PIEZO2: variants seen among roughly 807,000 people sequenced by gnomAD.
PIEZO2 encodes the protein piezo-type mechanosensitive ion channel component 2.
PIEZO2 carries 172 observed loss-of-function variants against 337.3 expected under a neutral mutation model. That is an observed-to-expected ratio of 0.51 (90% CI 0.45 to 0.58). The LOEUF is 0.58. Among genes scored for constraint, PIEZO2 ranks in the 20% least tolerant of loss-of-function variants. The pLI, the probability that PIEZO2 is intolerant of heterozygous loss-of-function variation, is 0.00. For missense variants in PIEZO2, 3,028 were observed against 3,391.3 expected (o/e 0.89, Z 2.66); for synonymous variants, 1,251 against 1,228.5 (o/e 1.02, Z -0.38).
chr18:10,773,822 G>A lies in PIEZO2; in HGVS notation c.2567+184C>T, dbSNP rs1238841540. Among the ~76,000 whole-genome samples, 1 of 152,224 alleles carries A rather than the reference G, an allele frequency of 6.6e-6. No homozygotes were observed. Among genetic ancestry groups the A allele is most frequent in the East Asian group, 1.9e-4 (1 of 5,202 alleles). On this transcript the variant is annotated intron_variant, in intron 19 of 55. Transcript: ENST00000674853. This position sits in a 1 kb window ranked among gnomAD's most constrained non-coding sequence, Gnocchi z 5.3. ...TTTAAGTTCTTTCTAAAAACAAACT[G>A]TAAACTTGGTTAGGTTTTGTTAGCT...
intron 3 of PIEZO2, among the ~76,000 whole-genome samples, chr18:10,931,633 T>A (rs1284131077): frequency 6.6e-6 from 1 of 152,168 alleles, no homozygotes; most frequent in African/African-American, 2.4e-5. Flanking sequence ...AACAAGTTGT[T>A]ACATATCCTT....
Position 10,784,936 on chromosome 18 carries a change from C to T in PIEZO2, c.2340G>A (p.Lys780=), listed in dbSNP as rs2039166198. ...TGAATAGTTCAGCCACAGTAAACTGCTTTAAGCCAAGATCCTCAAGCCTGC... is the reference window on the plus strand; with the variant it reads ...TGAATAGTTCAGCCACAGTAAACTGTTTTAAGCCAAGATCCTCAAGCCTGC... The part of the protein sequence containing the change: ...KKEKLEDLGL[K]QFTVAELFTR... Residue 780 remains lysine, a synonymous_variant, in exon 17 of 56, where the codon AAG becomes AAA. Coordinates refer to ENST00000674853, the MANE Select transcript of PIEZO2 (RefSeq NM_001378183.1). This position sits in a 1 kb window ranked among gnomAD's most constrained non-coding sequence, Gnocchi z 4.5. 6.5e-7 allele frequency: 1 copy of T among 1,536,186 alleles called. No homozygotes were observed. Among genetic ancestry groups the T allele is most frequent in the Non-Finnish European group, 8.7e-7 (1 of 1,146,458 alleles).
chr18:10,690,205 A>G (rs2034747932), intron 48 of PIEZO2, among the ~76,000 whole-genome samples: 2 of 152,114 alleles, frequency 1.3e-5, no homozygotes, highest in South Asian at 2.1e-4. Flanking sequence ...ATGAGGGCAA[A>G]TGGATAAAGG....
At chr18:10,709,055 G>A (rs1028409035) in intron 39 of PIEZO2, 5 of 152,148 alleles carry the variant, frequency 3.3e-5, no homozygotes, top group African/African-American at 1.2e-4. Flanking sequence ...ATATGCAGTG[G>A]ATATAAACCA....
At chr18:11,091,538 G>C (rs12970481) in intron 1 of PIEZO2, among the ~76,000 whole-genome samples, 68,436 of 152,084 alleles carry the variant, frequency 0.45, 16,517 homozygotes, top group Non-Finnish European at 0.55. Context: ...ATTATTTTTA[G>C]ACAAATTACT....
At chr18:11,142,468 T>C (rs1599024357) in intron 1 of PIEZO2, among the ~76,000 whole-genome samples, 4 of 152,310 alleles carry the variant, frequency 2.6e-5, no homozygotes, top group Non-Finnish European at 4.4e-5. Context: ...AAACCTCGAC[T>C]GACAGCCAAA....
chr18:10,770,765 CAG>C (rs2038571145), intron 20 of PIEZO2, among the ~76,000 whole-genome samples: 1 of 121,610 alleles, frequency 8.2e-6, no homozygotes, highest in Non-Finnish European at 1.6e-5. Flanking sequence ...CTTTTTCTGA[CAG>C]AGTCTTGCTC....
intron 36 of PIEZO2, among the ~76,000 whole-genome samples, chr18:10,721,494 T>C (rs1385454341): frequency 6.6e-6 from 1 of 151,970 alleles, no homozygotes; most frequent in Non-Finnish European, 1.5e-5. Context: ...CAAGGAGCTA[T>C]TTTCAAGATG....
rs57159292 is a variant in PIEZO2, at chr18:10,825,550, C to CTTT, written c.918-18279_918-18277dup. On this transcript the variant is annotated intron_variant, in intron 7 of 55. Transcript: ENST00000674853. ...TTTTTCCACTTTCTTTCCTTTCTTC[C>CTTT]TTTTTTTTTTTTTTTTTTGAGACAG... is the stretch of plus-strand genomic sequence containing the variant. Among the ~76,000 whole-genome samples the CTTT allele has an allele frequency of 7.2e-3, 821 of 113,818 alleles. 27 individuals carry two copies. Among genetic ancestry groups the CTTT allele is most frequent in the African/African-American group, 0.028 (772 of 27,448 alleles). The allele number at this position is 113,818 out of a possible 152,430, so 74.7% of individuals were successfully genotyped here. A position where few individuals can be genotyped will look rare whatever the true frequency, so the allele number is the denominator to read the frequency against.
In PIEZO2 at chr18:10,954,847, GT is replaced by G. The variant is rs766303304; in HGVS notation, c.286+24687del. Among the ~76,000 whole-genome samples the G allele has an allele frequency of 6.6e-6, 1 of 152,196 alleles. No homozygotes were observed. The highest frequency in any genetic ancestry group is 1.5e-5 in the Non-Finnish European group (1 of 68,044). ...CCTTCTTCTCTCATTTCTCTCTGAT[GT>G]TAGTAATGTTTTCCTTGATCTCCCC... On this transcript the variant is annotated intron_variant, in intron 3 of 55. Coordinates refer to ENST00000674853, the MANE Select transcript of PIEZO2 (RefSeq NM_001378183.1). The surrounding 1 kb of genome is among the most constrained non-coding windows in gnomAD (Gnocchi z 4.2).
intron 9 of PIEZO2, among the ~76,000 whole-genome samples, chr18:10,802,479 A>C (rs2039858641): frequency 6.6e-6 from 1 of 152,216 alleles, no homozygotes; most frequent in African/African-American, 2.4e-5. Flanking sequence ...AAATAATTTA[A>C]ATAGTTATTT....
rs1380540646 is a variant in PIEZO2, at chr18:11,143,633, A to ACTCTCTCT, written c.64+4891_64+4892insAGAGAGAG. ...CACACACACACACACACACACACAC[A>ACTCTCTCT]CACACACTCTCTCTCTCTCTCTCTC... On this transcript the variant is annotated intron_variant, in intron 1 of 55. Coordinates refer to ENST00000674853, the MANE Select transcript of PIEZO2 (RefSeq NM_001378183.1). The surrounding 1 kb of genome is among the most constrained non-coding windows in gnomAD (Gnocchi z 4.9). Among the ~76,000 whole-genome samples, 39 of 68,966 alleles carry ACTCTCTCT rather than the reference A, an allele frequency of 5.7e-4. No individual in the cohort carries two copies. Among genetic ancestry groups the ACTCTCTCT allele is most frequent in the Middle Eastern group, 6.5e-3 (1 of 154 alleles). The allele number at this position is 68,966 out of a possible 152,430, so 45.2% of individuals were successfully genotyped here. A position where few individuals can be genotyped will look rare whatever the true frequency, so the allele number is the denominator to read the frequency against.
chr18:10,752,538 G>C, intron 28 of PIEZO2, 98 bp downstream of exon 28: 1 of 1,355,176 alleles, frequency 7.4e-7, no homozygotes, highest in Non-Finnish European at 9.9e-7. Context: ...GCTTTTAAGA[G>C]AGCAACATGA....
At chr18:10,918,258 T>C (rs924432181) in intron 3 of PIEZO2, among the ~76,000 whole-genome samples, 10 of 152,134 alleles carry the variant, frequency 6.6e-5, no homozygotes, top group African/African-American at 2.2e-4. Context: ...GTAAAAGAGA[T>C]AAGACAAAAC....
chr18:10,934,446 G>T (rs1329875861), intron 3 of PIEZO2, among the ~76,000 whole-genome samples: 1 of 152,114 alleles, frequency 6.6e-6, no homozygotes, highest in Non-Finnish European at 1.5e-5. Flanking sequence ...CAGTGGAAAA[G>T]TATGAAAGGG....
chr18:10,995,467 T>C, intron 2 of PIEZO2, among the ~76,000 whole-genome samples: 1 of 152,216 alleles, frequency 6.6e-6, no homozygotes, highest in East Asian at 1.9e-4. Context: ...CAAAAGTTCT[T>C]TAGTTTCCAC....
intron 3 of PIEZO2, among the ~76,000 whole-genome samples, chr18:10,972,884 C>T (rs2145446317): frequency 6.6e-6 from 1 of 152,252 alleles, no homozygotes; most frequent in Middle Eastern, 3.4e-3. Flanking sequence ...CAAGCACAGT[C>T]CCAAGGGCAT....
intron 4 of PIEZO2, among the ~76,000 whole-genome samples, chr18:10,901,572 T>C (rs1314758129): frequency 3.9e-5 from 6 of 152,172 alleles, no homozygotes; most frequent in Admixed American, 3.3e-4. Context: ...ATCTGCTGTT[T>C]ACTTCTTTGA....
rs572626752 is a variant in PIEZO2, at chr18:10,777,996, G to T, written c.2534+2329C>A. On this transcript the variant is annotated intron_variant, in intron 18 of 55. Transcript: ENST00000674853. ...CCACAATTATCTATATTTTTAAAATGTTATCAAAGTGGCCTACTGTCCTCA... is the reference window on the plus strand; with the variant it reads ...CCACAATTATCTATATTTTTAAAATTTTATCAAAGTGGCCTACTGTCCTCA... Among the ~76,000 whole-genome samples, 68 of 152,250 alleles carry T rather than the reference G, an allele frequency of 4.5e-4. 1 individual carries two copies. The highest frequency in any genetic ancestry group is 1.5e-3 in the African/African-American group (62 of 41,540).
Sources: allele counts gnomAD v4.1 joint callset (sites outside exome capture counted in the v4.1 genomes callset), GRCh38; gene constraint gnomAD v4.1.1; non-coding constraint Gnocchi (gnomAD v3.1); transcripts MANE v1.5; gene names NCBI Gene and HGNC (gene_info 2026-07-23, HGNC 2026-07-21).